CUL5: variants seen among roughly 807,000 people sequenced by gnomAD.
CUL5 encodes cullin-5.
CUL5 carries 26 observed loss-of-function variants against 108.8 expected under a neutral mutation model. The ratio of observed to expected loss-of-function variants is 0.24; its 90% CI spans 0.18 to 0.33. The LOEUF (loss-of-function observed/expected upper bound fraction) is 0.33, where lower values mean the gene tolerates loss of function less well. CUL5 is among the 10% of genes least tolerant of loss of function. CUL5 has a pLI of 1.00. For missense variants in CUL5, 524 were observed against 909.2 expected (o/e 0.58, Z 5.45); for synonymous variants, 334 against 298.0 (o/e 1.12, Z -1.25).
chr11:108,025,522 A>G (rs1862431607), intron 1 of CUL5, among the ~76,000 whole-genome samples: 1 of 152,170 alleles, frequency 6.6e-6, no homozygotes, highest in Non-Finnish European at 1.5e-5. Flanking sequence ...GGGTAGGGCT[A>G]CTTTGGCTCC....
At chr11:108,074,096 A>C (rs1449541909) in intron 10 of CUL5, 1 of 151,614 alleles carries the variant, frequency 6.6e-6, no homozygotes, top group Non-Finnish European at 1.5e-5. Flanking sequence ...TTCTTTGACT[A>C]CCTTTCGTTA....
intron 7 of CUL5, among the ~76,000 whole-genome samples, chr11:108,057,009 G>T (rs1176304238): frequency 6.6e-6 from 1 of 152,104 alleles, no homozygotes; most frequent in Non-Finnish European, 1.5e-5. Flanking sequence ...GTAGATTGAC[G>T]TACATTTAGC....
intron 11 of CUL5, among the ~76,000 whole-genome samples, chr11:108,084,596 T>C (rs773454555): frequency 2.0e-5 from 3 of 152,236 alleles, no homozygotes; most frequent in East Asian, 1.9e-4. Flanking sequence ...GTGATTCTTA[T>C]ATATACAGTG....
At chr11:108,028,681 C>G (rs1862506519) in intron 1 of CUL5, among the ~76,000 whole-genome samples, 1 of 152,020 alleles carries the variant, frequency 6.6e-6, no homozygotes, top group African/African-American at 2.4e-5. Flanking sequence ...TACTAAAATA[C>G]AAAAATTAGC....
chr11:108,065,869 G>C (rs922847537), intron 7 of CUL5, among the ~76,000 whole-genome samples: 8 of 151,976 alleles, frequency 5.3e-5, no homozygotes, highest in Admixed American at 3.9e-4. Context: ...GCTTCTATTT[G>C]GCCATCTTGC....
chr11:108,075,976 A>G (rs1168386085), intron 10 of CUL5, among the ~76,000 whole-genome samples: 2 of 152,116 alleles, frequency 1.3e-5, no homozygotes, highest in Non-Finnish European at 2.9e-5. Context: ...AGAGCACCCA[A>G]AGTCTACTTA....
At chr11:108,074,987 G>A (rs952214329) in intron 10 of CUL5, among the ~76,000 whole-genome samples, 1 of 152,028 alleles carries the variant, frequency 6.6e-6, no homozygotes, top group East Asian at 1.9e-4. Flanking sequence ...ACTGTGAGTA[G>A]GATGGGAAGT....
chr11:108,054,559 A>G (rs1430141657), intron 5 of CUL5, 88 bp from the exon 6 acceptor site: 2 of 883,738 alleles, frequency 2.3e-6, no homozygotes, highest in South Asian at 1.9e-5. Flanking sequence ...CTTGCACATA[A>G]TGACTCCTCA....
At chr11:108,033,975 C>T (rs1862660229) in intron 2 of CUL5, 64 bp downstream of exon 2, 1 of 915,292 alleles carries the variant, frequency 1.1e-6, no homozygotes, top group Non-Finnish European at 1.8e-6. Flanking sequence ...TTTCCATACC[C>T]AAATGGAATG....
intron 10 of CUL5, chr11:108,074,174 C>T (rs1394626368): frequency 1.4e-5 from 2 of 145,596 alleles, no homozygotes; most frequent in African/African-American, 5.1e-5. Context: ...TTTTCTCACT[C>T]TTTTTGTCTA....
At chr11:108,090,735 C>T (rs1864332288) in intron 13 of CUL5, among the ~76,000 whole-genome samples, 1 of 151,744 alleles carries the variant, frequency 6.6e-6, no homozygotes, top group African/African-American at 2.4e-5. Context: ...TCTTTAATTT[C>T]TGTGTATGTA....
At chr11:108,100,562 C>G (rs1025030942) in intron 18 of CUL5, among the ~76,000 whole-genome samples, 1 of 151,322 alleles carries the variant, frequency 6.6e-6, no homozygotes, top group Non-Finnish European at 1.5e-5. Flanking sequence ...CAAACAAAAA[C>G]AAACAAAAAA....
At chr11:108,082,397 C>A (rs1864111134) in intron 11 of CUL5, among the ~76,000 whole-genome samples, 3 of 151,906 alleles carry the variant, frequency 2.0e-5, no homozygotes, top group Admixed American at 1.3e-4. Context: ...CCTCCCACCT[C>A]AGCCACCTGA....
intron 2 of CUL5, among the ~76,000 whole-genome samples, chr11:108,040,475 G>A (rs1237383240): frequency 6.6e-6 from 1 of 152,126 alleles, no homozygotes; most frequent in Admixed American, 6.6e-5. Flanking sequence ...GGCTGGGTGT[G>A]GTGTTGTGCA....
chr11:108,065,272 C>T (rs556673954), intron 7 of CUL5, among the ~76,000 whole-genome samples: 1 of 152,258 alleles, frequency 6.6e-6, no homozygotes, highest in East Asian at 1.9e-4. Flanking sequence ...ATCTGCCCAC[C>T]TCTGCCTGGC....
chr11:108,032,556 A>G (rs1433976399), intron 1 of CUL5, among the ~76,000 whole-genome samples: 1 of 152,078 alleles, frequency 6.6e-6, no homozygotes, highest in African/African-American at 2.4e-5. Context: ...CTTGAAAAGG[A>G]GTACTAATGA....
In CUL5 at chr11:108,106,881, A is replaced by C. The variant is rs1864816701; in HGVS notation, c.*2497A>C. On this transcript the variant is annotated 3_prime_UTR_variant, in exon 19 of 19. Coordinates refer to ENST00000393094, the MANE Select transcript of CUL5 (RefSeq NM_003478.6). ...AATTTTTAAAAATTAGTGGTATGGC[A>C]ATAAGACACTTCAGAGGCTATCTTA... The C allele has an allele frequency of 6.6e-6, 1 of 151,098 alleles. No homozygotes were observed. The highest frequency in any genetic ancestry group is 2.4e-5 in the African/African-American group (1 of 41,104). The allele number at this position is 151,098 out of a possible 1,614,324, so 9.4% of individuals were successfully genotyped here. A position where few individuals can be genotyped will look rare whatever the true frequency, so the allele number is the denominator to read the frequency against.
intron 7 of CUL5, among the ~76,000 whole-genome samples, chr11:108,059,439 G>A (rs994438012): frequency 6.6e-6 from 1 of 152,146 alleles, no homozygotes; most frequent in Non-Finnish European, 1.5e-5. Flanking sequence ...AATGACCAGG[G>A]CACCGATAGG....
chr11:108,064,717 AAAAAC>A (rs1445214106), intron 7 of CUL5, among the ~76,000 whole-genome samples: 5 of 152,174 alleles, frequency 3.3e-5, no homozygotes, highest in South Asian at 2.1e-4. Flanking sequence ...CTCAAAAAAC[AAAAAC>A]AAAACAAAAC....
Sources: gnomAD v4.1 joint callset for allele counts (sites outside exome capture counted in the v4.1 genomes callset) on GRCh38, gnomAD v4.1.1 for gene constraint, MANE v1.5 for transcripts, NCBI Gene and HGNC (gene_info 2026-07-23, HGNC 2026-07-21) for gene names.